AGMO: variants seen among roughly 807,000 people sequenced by gnomAD.
The protein encoded by AGMO is alkylglycerol monooxygenase.
AGMO carries 75 observed loss-of-function variants against 60.2 expected under a neutral mutation model. That is an observed-to-expected ratio of 1.25 (90% CI 1.03 to 1.51). The LOEUF is 1.51. Among genes scored for constraint, AGMO ranks in the 40% most tolerant of loss-of-function variants. The pLI is 0.00. For synonymous variants in AGMO, 261 were observed against 177.1 expected (o/e 1.47, Z -3.76); for missense variants, 763 against 525.5 (o/e 1.45, Z -4.42).
At chr7:15,372,837 G>T (rs1222923687) in intron 10 of AGMO, among the ~76,000 whole-genome samples, 1 of 152,130 alleles carries the variant, frequency 6.6e-6, no homozygotes, top group Admixed American at 6.5e-5. Flanking sequence ...GTGCTAAATT[G>T]AAATTATTCT....
intron 10 of AGMO, among the ~76,000 whole-genome samples, chr7:15,384,847 A>C (rs1382487483): frequency 2.4e-4 from 35 of 143,032 alleles, no homozygotes; most frequent in African/African-American, 7.7e-4. Flanking sequence ...AATTTACAAC[A>C]TATTTTTATA....
the AGMO span, among the ~76,000 whole-genome samples, chr7:15,117,772 G>C: frequency 6.6e-6 from 1 of 152,090 alleles, no homozygotes; most frequent in South Asian, 2.1e-4. Flanking sequence ...AACTTCAGAT[G>C]GGTGTTGGAT....
intron 2 of AGMO, among the ~76,000 whole-genome samples, chr7:15,556,426 C>T (rs1016390916): frequency 4.0e-5 from 6 of 151,864 alleles, no homozygotes; most frequent in Admixed American, 3.3e-4. Flanking sequence ...TAAATTATCC[C>T]TCTAACCTAT....
intron 12 of AGMO, among the ~76,000 whole-genome samples, chr7:15,216,445 C>T (rs1400760271): frequency 1.3e-5 from 2 of 151,882 alleles, no homozygotes; most frequent in African/African-American, 4.8e-5. Flanking sequence ...GTAAGTAACA[C>T]TAAAATCCAA....
At chr7:15,357,428 ACCT>A (rs1782580980) in intron 12 of AGMO, among the ~76,000 whole-genome samples, 1 of 151,590 alleles carries the variant, frequency 6.6e-6, no homozygotes, top group African/African-American at 2.4e-5. Flanking sequence ...AATAAATAAA[ACCT>A]CAGCGTGGTA....
At chr7:15,212,690 C>T (rs1020562853) in intron 12 of AGMO, among the ~76,000 whole-genome samples, 7 of 151,914 alleles carry the variant, frequency 4.6e-5, no homozygotes, top group Admixed American at 3.9e-4. Flanking sequence ...CTTCATCTAG[C>T]AGGTAGAGTA....
rs80128593 is a variant in AGMO at position 15,325,861 on chromosome 7, G to T, written c.1263+39653C>A. Among the ~76,000 whole-genome samples the T allele has an allele frequency of 1.1e-3, 161 of 152,028 alleles. 1 individual carries two copies. The highest frequency in any genetic ancestry group is 3.7e-3 in the African/African-American group (155 of 41,504). ...TTACTATAGCAATTTATGACATCTT[G>T]ACTTGGTTGTTCGCAATTTGTTTCT... On this transcript the variant is annotated intron_variant, in intron 12 of 12. Coordinates refer to ENST00000342526, the MANE Select transcript of AGMO (RefSeq NM_001004320.2).
intron 3 of AGMO, among the ~76,000 whole-genome samples, chr7:15,462,589 TG>T (rs1782171141): frequency 3.3e-5 from 5 of 152,124 alleles, no homozygotes; most frequent in Non-Finnish European, 5.9e-5. Context: ...TTGCAAGACA[TG>T]TACGAGCTTT....
chr7:15,228,852 G>A (rs1782166628), intron 12 of AGMO, among the ~76,000 whole-genome samples: 1 of 151,992 alleles, frequency 6.6e-6, no homozygotes, highest in African/African-American at 2.4e-5. Context: ...TAAATTTAAG[G>A]GACAAGAATA....
At chr7:15,425,857 C>T (rs538131378) in intron 4 of AGMO, among the ~76,000 whole-genome samples, 20 of 152,226 alleles carry the variant, frequency 1.3e-4, no homozygotes, top group African/African-American at 4.8e-4. Context: ...ACGTAGAGAA[C>T]ATAGCAATTT....
At chr7:15,325,830 A>G (rs1781322763) in intron 12 of AGMO, among the ~76,000 whole-genome samples, 1 of 152,158 alleles carries the variant, frequency 6.6e-6, no homozygotes. Context: ...GCTTTTATAC[A>G]ACATTTTACT....
chr7:15,304,393 AG>A lies in AGMO; in HGVS notation c.1263+61120del, dbSNP rs765022039. ...AAGGGAAGAATTGGATTGAAATTCAAGGCCAAACCAGGACAGAAATTTTGGG... is the reference window on the plus strand; with the variant it reads ...AAGGGAAGAATTGGATTGAAATTCAAGCCAAACCAGGACAGAAATTTTGGG... On this transcript the variant is annotated intron_variant, in intron 12 of 12. Transcript: ENST00000342526. Among the ~76,000 whole-genome samples the A allele has an allele frequency of 3.9e-5, 6 of 152,254 alleles. No individual in the cohort carries two copies. The East Asian group carries it at 7.7e-4, about 20-fold the overall frequency.
At chr7:15,384,476 T>C (rs923132543) in intron 10 of AGMO, among the ~76,000 whole-genome samples, 1 of 152,152 alleles carries the variant, frequency 6.6e-6, no homozygotes, top group Non-Finnish European at 1.5e-5. Flanking sequence ...AATAATTACA[T>C]TTTTGTATAT....
rs192039368 is a variant in AGMO at position 15,556,799 on chromosome 7, C to T, written c.257+3342G>A. 3.9e-5 allele frequency among the ~76,000 whole-genome samples: 6 copies of T among 152,112 alleles called. No individual in the cohort carries two copies. The East Asian group carries it at 1.2e-3, about 29-fold the overall frequency. On this transcript the variant is annotated intron_variant, in intron 2 of 12. Coordinates refer to ENST00000342526, the MANE Select transcript of AGMO (RefSeq NM_001004320.2). ...CATATGCAACTAATTGTTAGAAACG[C>T]AGATTATCTGCATGATACACTGTGT...
intron 10 of AGMO, 69 bp from the exon 11 acceptor site, chr7:15,366,291 G>T (rs1462074992): frequency 7.9e-7 from 1 of 1,267,152 alleles, no homozygotes; most frequent in Non-Finnish European, 1.1e-6. Flanking sequence ...AACGGTTAAA[G>T]CTTACAAAAC....
At chr7:15,472,817 T>A (rs897889684) in intron 3 of AGMO, among the ~76,000 whole-genome samples, 1 of 151,908 alleles carries the variant, frequency 6.6e-6, no homozygotes, top group African/African-American at 2.4e-5. Flanking sequence ...GTGAATTTAC[T>A]CTTTTCTGAA....
chr7:15,238,697 G>A (rs1402426779), intron 12 of AGMO, among the ~76,000 whole-genome samples: 1 of 151,640 alleles, frequency 6.6e-6, no homozygotes, highest in Non-Finnish European at 1.5e-5. Flanking sequence ...AAATTCTAAG[G>A]CCAATGTTCA....
intron 12 of AGMO, among the ~76,000 whole-genome samples, chr7:15,203,028 C>A (rs1262886349): frequency 3.3e-5 from 5 of 152,068 alleles, no homozygotes; most frequent in African/African-American, 1.2e-4. Flanking sequence ...CTAATACATA[C>A]CTTGTGTTGT....
intron 3 of AGMO, among the ~76,000 whole-genome samples, chr7:15,499,875 G>C (rs1444307099): frequency 1.3e-5 from 2 of 149,672 alleles, no homozygotes; most frequent in Non-Finnish European, 3.0e-5. Context: ...ATATGCAATT[G>C]TGTGAAGGAA....
Sources: gnomAD v4.1 joint callset for allele counts (sites outside exome capture counted in the v4.1 genomes callset) on GRCh38, gnomAD v4.1.1 for gene constraint, MANE v1.5 for transcripts, NCBI Gene and HGNC (gene_info 2026-07-23, HGNC 2026-07-21) for gene names.